The following ZC3H12B variants were observed in gnomAD, a reference collection of about 807,000 sequenced individuals.
The protein encoded by ZC3H12B is probable ribonuclease ZC3H12B.
In ZC3H12B, 7 loss-of-function variants were observed where a neutral mutation model predicts 43.9. The observed-to-expected ratio is 0.16, with a 90% CI of 0.09 to 0.30. The LOEUF (loss-of-function observed/expected upper bound fraction) is 0.30, where lower values mean the gene tolerates loss of function less well. ZC3H12B is among the 10% of genes least tolerant of loss of function. ZC3H12B has a pLI of 1.00. For missense variants in ZC3H12B, 475 were observed against 670.2 expected, an observed-to-expected ratio of 0.71 and a Z score of 3.22; for synonymous variants, 222 against 241.7, an observed-to-expected ratio of 0.92 and a Z score of 0.76.
the ZC3H12B span, among the ~76,000 whole-genome samples, chrX:65,228,664 C>G: frequency 5.6e-3 from 627 of 112,113 alleles, 18 homozygotes; most frequent in Admixed American, 0.051. Flanking sequence ...TCTGCTTAAG[C>G]TGATAACAAC....
chrX:65,046,405 A>G, the ZC3H12B span, among the ~76,000 whole-genome samples: 25,670 of 111,525 alleles, frequency 0.23, 7,002 homozygotes, highest in African/African-American at 0.79. Context: ...GCACTTTTAT[A>G]TTATGGTTGC....
At chrX:65,484,038 G>T (rs888352128), upstream of ZC3H12B, among the ~76,000 whole-genome samples, 5 of 112,003 alleles carry the variant, frequency 4.5e-5, no homozygotes, top group Non-Finnish European at 9.4e-5. Context: ...TTGCTATTGT[G>T]AATAGTGCTG....
At chrX:65,295,632 G>C in the ZC3H12B span, among the ~76,000 whole-genome samples, 1 of 111,143 alleles carries the variant, frequency 9.0e-6, no homozygotes, top group African/African-American at 3.3e-5. Context: ...TCTTTGAAAA[G>C]ATAAACAAAA....
chrX:65,252,937 G>T, the ZC3H12B span, among the ~76,000 whole-genome samples: 2 of 111,753 alleles, frequency 1.8e-5, no homozygotes, highest in South Asian at 3.7e-4. Context: ...TAAATTATAC[G>T]TTTTTTGGGA....
At chrX:65,254,560 T>G in the ZC3H12B span, among the ~76,000 whole-genome samples, 1 of 111,703 alleles carries the variant, frequency 9.0e-6, no homozygotes, top group Non-Finnish European at 1.9e-5. Flanking sequence ...GAAAAACACA[T>G]TCAAAAGATA....
chrX:65,491,101 A>G (rs1569424575), intron 1 of ZC3H12B, among the ~76,000 whole-genome samples: 1 of 112,433 alleles, frequency 8.9e-6, no homozygotes, highest in African/African-American at 3.2e-5. Context: ...CTGAGTTTAC[A>G]TAGCTAGTAA....
chrX:65,087,972 A>C, the ZC3H12B span, among the ~76,000 whole-genome samples: 2 of 111,968 alleles, frequency 1.8e-5, no homozygotes, highest in African/African-American at 6.5e-5. Context: ...TAGTAAGGAG[A>C]AGTACTATTT....
At chrX:65,153,624 T>A in the ZC3H12B span, among the ~76,000 whole-genome samples, 1 of 112,089 alleles carries the variant, frequency 8.9e-6, no homozygotes, top group Admixed American at 9.5e-5. Flanking sequence ...ACTTTTACAC[T>A]GTTGGTGGGA....
At chrX:65,081,557 AG>A in the ZC3H12B span, among the ~76,000 whole-genome samples, 3 of 112,104 alleles carry the variant, frequency 2.7e-5, no homozygotes, top group Non-Finnish European at 3.8e-5. Flanking sequence ...AAAATGATAA[AG>A]GGGTCAATTC....
chrX:65,192,286 G>A, the ZC3H12B span, among the ~76,000 whole-genome samples: 1 of 111,470 alleles, frequency 9.0e-6, no homozygotes, highest in African/African-American at 3.3e-5. Flanking sequence ...TGTTGATTTG[G>A]GGTGGATCAA....
At chrX:65,448,678 G>A (rs1190914604) in intron 3 of ZC3H12B, among the ~76,000 whole-genome samples, 1 of 109,702 alleles carries the variant, frequency 9.1e-6, no homozygotes, top group Non-Finnish European at 1.9e-5. Flanking sequence ...TTAGCTGGAC[G>A]TGGTGGCACA....
At chrX:65,034,853 G>C in the ZC3H12B span, 3 of 113,218 alleles carry the variant, frequency 2.6e-5, no homozygotes, top group Non-Finnish European at 5.6e-5. Flanking sequence ...AGGAGCAGGA[G>C]GATGCAGCTG....
the ZC3H12B span, among the ~76,000 whole-genome samples, chrX:65,061,008 TAGG>T: frequency 8.9e-6 from 1 of 111,963 alleles, no homozygotes; most frequent in African/African-American, 3.2e-5. Flanking sequence ...TGTATATATC[TAGG>T]AATTTGTCCA....
At chrX:65,146,164 T>C in the ZC3H12B span, among the ~76,000 whole-genome samples, 1 of 110,247 alleles carries the variant, frequency 9.1e-6, no homozygotes, top group Non-Finnish European at 1.9e-5. Context: ...GTTTTGGGGG[T>C]CTTTGTTCAT....
the ZC3H12B span, among the ~76,000 whole-genome samples, chrX:65,101,447 CGAG>C: frequency 2.7e-5 from 3 of 111,539 alleles, no homozygotes; most frequent in African/African-American, 9.8e-5. Flanking sequence ...ATCAATGAAT[CGAG>C]GAGCTGGTTT....
chrX:65,108,934 T>C, the ZC3H12B span, among the ~76,000 whole-genome samples: 5 of 111,335 alleles, frequency 4.5e-5, no homozygotes, highest in African/African-American at 1.6e-4. Flanking sequence ...ATCGTATATG[T>C]GATCCATTGT....
the ZC3H12B span, among the ~76,000 whole-genome samples, chrX:65,215,870 G>A: frequency 1.7e-4 from 19 of 111,226 alleles, no homozygotes; most frequent in East Asian, 5.4e-3. Context: ...GCTGTTATAG[G>A]GTTATCAATT....
chrX:65,082,698 G>A, the ZC3H12B span, among the ~76,000 whole-genome samples: 1 of 111,074 alleles, frequency 9.0e-6, no homozygotes, highest in Non-Finnish European at 1.9e-5. Context: ...AGAACGAAAA[G>A]CAATCCTACT....
At chrX:65,089,310 C>T in the ZC3H12B span, among the ~76,000 whole-genome samples, 4 of 111,857 alleles carry the variant, frequency 3.6e-5, no homozygotes, top group Non-Finnish European at 5.6e-5. Context: ...CAAACCTGTA[C>T]AGCATGTTAC....
Sources: gnomAD v4.1 joint callset for allele counts (sites outside exome capture counted in the v4.1 genomes callset) on GRCh38, gnomAD v4.1.1 for gene constraint, MANE v1.5 for transcripts, NCBI Gene and HGNC (gene_info 2026-07-23, HGNC 2026-07-21) for gene names.